PRSS23: variants seen among roughly 807,000 people sequenced by gnomAD.
The protein encoded by PRSS23 is serine protease 23.
PRSS23 carries 25 observed loss-of-function variants against 34.7 expected under a neutral mutation model. The observed-to-expected ratio is 0.72, with a 90% CI of 0.53 to 1.01. The LOEUF (loss-of-function observed/expected upper bound fraction) is 1.01, where lower values mean the gene tolerates loss of function less well. Ranked by LOEUF, PRSS23 falls within the 50% of genes least tolerant of loss-of-function variation. The pLI is 0.00. For missense variants in PRSS23, 445 were observed against 475.6 expected, an observed-to-expected ratio of 0.94 and a Z score of 0.60; for synonymous variants, 176 against 186.6, an observed-to-expected ratio of 0.94 and a Z score of 0.46.
chr11:86,868,208 G>A (rs1412428791), intron 2 of PRSS23, among the ~76,000 whole-genome samples: 1 of 152,210 alleles, frequency 6.6e-6, no homozygotes, highest in African/African-American at 2.4e-5. Flanking sequence ...CAAAGGCTGA[G>A]CACACCCTGT....
intron 1 of PRSS23, among the ~76,000 whole-genome samples, chr11:86,793,408 G>A (rs1242491374): frequency 6.6e-6 from 1 of 152,204 alleles, no homozygotes; most frequent in Non-Finnish European, 1.5e-5. Context: ...CAAATTCAGA[G>A]CATACTGCAA....
At chr11:86,857,932 G>T in intron 2 of PRSS23, 1 of 452,372 alleles carries the variant, frequency 2.2e-6, no homozygotes. Flanking sequence ...GGAGAGCCCA[G>T]TGAGGACGGG....
At chr11:86,867,305 C>A (rs1293868547) in intron 2 of PRSS23, among the ~76,000 whole-genome samples, 1 of 152,214 alleles carries the variant, frequency 6.6e-6, no homozygotes, top group Non-Finnish European at 1.5e-5. Context: ...TTCTCTCATG[C>A]CTCTGTGTTC....
At chr11:86,873,759 C>T (rs1428927638) in intron 2 of PRSS23, among the ~76,000 whole-genome samples, 4 of 152,126 alleles carry the variant, frequency 2.6e-5, no homozygotes, top group African/African-American at 4.8e-5. Context: ...AACCATGTTC[C>T]ACTATCAGAT....
At chr11:86,922,269 C>T (rs1339198788) in intron 2 of PRSS23, among the ~76,000 whole-genome samples, 3 of 152,122 alleles carry the variant, frequency 2.0e-5, no homozygotes, top group African/African-American at 7.2e-5. Context: ...AGATTGAGTC[C>T]CAGGTCTACC....
At chr11:86,832,366 A>G (rs557409850) in intron 2 of PRSS23, among the ~76,000 whole-genome samples, 2 of 152,086 alleles carry the variant, frequency 1.3e-5, no homozygotes, top group African/African-American at 2.4e-5. Context: ...GGTGTACTCC[A>G]TGTGTGTACA....
At chr11:86,869,706 A>G (rs1948672194) in intron 2 of PRSS23, among the ~76,000 whole-genome samples, 2 of 152,188 alleles carry the variant, frequency 1.3e-5, no homozygotes. Context: ...ATAGCATCAT[A>G]GTGCTCACCA....
chr11:86,864,959 A>G (rs1216102606), intron 2 of PRSS23, among the ~76,000 whole-genome samples: 1 of 152,238 alleles, frequency 6.6e-6, no homozygotes, highest in Non-Finnish European at 1.5e-5. Context: ...CTTTGGGCCC[A>G]CACAGATAAC....
intron 2 of PRSS23, among the ~76,000 whole-genome samples, chr11:86,877,655 A>G (rs985999426): frequency 7.2e-5 from 11 of 152,172 alleles, no homozygotes; most frequent in Non-Finnish European, 1.6e-4. Flanking sequence ...TTTACTGTAT[A>G]TGAAACTGCC....
At chr11:86,932,443 T>G (rs868337794) in intron 2 of PRSS23, among the ~76,000 whole-genome samples, 28 of 152,264 alleles carry the variant, frequency 1.8e-4, no homozygotes, top group Admixed American at 9.8e-4. Flanking sequence ...CAGAAGAGTT[T>G]GCTGGGGGCT....
intron 2 of PRSS23, chr11:86,833,328 G>T: frequency 8.9e-7 from 1 of 1,128,642 alleles, no homozygotes; most frequent in Non-Finnish European, 1.3e-6. Flanking sequence ...CCAGGATAAT[G>T]AGCAGATTCT....
chr11:86,930,962 T>C (rs10898558), intron 2 of PRSS23, among the ~76,000 whole-genome samples: 1 of 151,338 alleles, frequency 6.6e-6, no homozygotes, highest in Non-Finnish European at 1.5e-5. Context: ...AAAAGGAAAG[T>C]GAGGGCCAAA....
At chr11:86,826,591 C>T (rs1479556228) in intron 2 of PRSS23, among the ~76,000 whole-genome samples, 1 of 152,208 alleles carries the variant, frequency 6.6e-6, no homozygotes, top group Non-Finnish European at 1.5e-5. Context: ...GGGAATGCTT[C>T]CAATTTCTGC....
intron 2 of PRSS23, among the ~76,000 whole-genome samples, chr11:86,873,256 G>GTGTGTA (rs142908794): frequency 1.7e-5 from 2 of 121,156 alleles, no homozygotes; most frequent in African/African-American, 3.6e-5. Context: ...ACATATATAT[G>GTGTGTA]TATATATATA....
intron 1 of PRSS23, among the ~76,000 whole-genome samples, chr11:86,794,156 C>G (rs532252780): frequency 6.6e-6 from 1 of 151,992 alleles, no homozygotes; most frequent in East Asian, 1.9e-4. Context: ...TAAATATAAA[C>G]AAAAATTGAA....
At chr11:86,885,417 G>C (rs1383099622) in intron 2 of PRSS23, among the ~76,000 whole-genome samples, 3 of 152,182 alleles carry the variant, frequency 2.0e-5, no homozygotes, top group Non-Finnish European at 2.9e-5. Flanking sequence ...AACTTGGCTA[G>C]GACACAGTGC....
At chr11:86,888,866 G>A (rs768078411) in intron 2 of PRSS23, among the ~76,000 whole-genome samples, 24 of 152,348 alleles carry the variant, frequency 1.6e-4, no homozygotes, top group Middle Eastern at 6.8e-3. Flanking sequence ...AAAGTTTTCT[G>A]GTTCCTAGCG....
At chr11:86,919,906 T>TCTC (rs1381028016) in intron 2 of PRSS23, among the ~76,000 whole-genome samples, 5 of 152,162 alleles carry the variant, frequency 3.3e-5, no homozygotes, top group Non-Finnish European at 5.9e-5. Context: ...TCTAACCTGG[T>TCTC]CTCCCCCTAG....
At chr11:86,829,827 C>A (rs915194013) in intron 2 of PRSS23, among the ~76,000 whole-genome samples, 1 of 152,208 alleles carries the variant, frequency 6.6e-6, no homozygotes, top group Non-Finnish European at 1.5e-5. Flanking sequence ...ACGAATGCTG[C>A]TGTCTGATCG....
Sources: gnomAD v4.1 joint callset for allele counts (sites outside exome capture counted in the v4.1 genomes callset) on GRCh38, gnomAD v4.1.1 for gene constraint, MANE v1.5 for transcripts, NCBI Gene and HGNC (gene_info 2026-07-23, HGNC 2026-07-21) for gene names.